The following NMNAT2 variants were observed in gnomAD, a reference collection of about 807,000 sequenced individuals.
NMNAT2 encodes nicotinamide nucleotide adenylyltransferase 2.
NMNAT2 carries 11 observed loss-of-function variants against 41.6 expected under a neutral mutation model. That is an observed-to-expected ratio of 0.26 (90% CI 0.17 to 0.44). The LOEUF (loss-of-function observed/expected upper bound fraction) is 0.44, where lower values mean the gene tolerates loss of function less well. NMNAT2 is among the 20% of genes least tolerant of loss of function. NMNAT2 has a pLI of 1.00. For synonymous variants in NMNAT2, 148 were observed against 151.2 expected (o/e 0.98, Z 0.16); for missense variants, 288 against 407.7 (o/e 0.71, Z 2.53).
intron 8 of NMNAT2, among the ~76,000 whole-genome samples, chr1:183,262,618 T>G (rs971351405): frequency 6.6e-6 from 1 of 152,246 alleles, no homozygotes; most frequent in Admixed American, 6.5e-5. Context: ...ACAAAAATCT[T>G]TTATCACATC....
intron 1 of NMNAT2, among the ~76,000 whole-genome samples, chr1:183,357,809 A>G (rs1005942473): frequency 2.6e-5 from 4 of 152,090 alleles, no homozygotes; most frequent in East Asian, 1.9e-4. Context: ...CTTCTTTTGG[A>G]AAGTGTCTGT....
chr1:183,363,389 C>T (rs1466979964), intron 1 of NMNAT2, among the ~76,000 whole-genome samples: 1 of 152,196 alleles, frequency 6.6e-6, no homozygotes, highest in East Asian at 1.9e-4. Flanking sequence ...TTGGGGCACC[C>T]AATAGACACT....
At chr1:183,356,599 G>T (rs148441921) in intron 1 of NMNAT2, among the ~76,000 whole-genome samples, 4 of 152,320 alleles carry the variant, frequency 2.6e-5, no homozygotes, top group Non-Finnish European at 5.9e-5. Context: ...GACCCCTGTG[G>T]ATCCTAGTAA....
chr1:183,406,387 G>C (rs751810560), intron 1 of NMNAT2, among the ~76,000 whole-genome samples: 3 of 152,168 alleles, frequency 2.0e-5, no homozygotes, highest in African/African-American at 4.8e-5. Context: ...TTGCTGCATG[G>C]ATCTCGAGGA....
intron 1 of NMNAT2, among the ~76,000 whole-genome samples, chr1:183,369,120 GA>G (rs1388566926): frequency 9.8e-5 from 15 of 152,326 alleles, no homozygotes; most frequent in African/African-American, 3.6e-4. Context: ...TGGAAGAGAT[GA>G]AAGTTGGAGC....
At chr1:183,351,130 T>G (rs1663038405) in intron 1 of NMNAT2, among the ~76,000 whole-genome samples, 1 of 152,222 alleles carries the variant, frequency 6.6e-6, no homozygotes, top group South Asian at 2.1e-4. Context: ...GCCACTTATA[T>G]CTTTATCTGT....
At chr1:183,363,139 G>C (rs1663340579) in intron 1 of NMNAT2, among the ~76,000 whole-genome samples, 1 of 152,136 alleles carries the variant, frequency 6.6e-6, no homozygotes, top group Admixed American at 6.6e-5. Context: ...TTTTAATTGG[G>C]TTAATTGTTG....
intron 1 of NMNAT2, among the ~76,000 whole-genome samples, chr1:183,396,433 A>G (rs1648652164): frequency 6.6e-6 from 1 of 152,156 alleles, no homozygotes; most frequent in Admixed American, 6.5e-5. Context: ...AGACCTCAGG[A>G]GTTGGGCGAG....
intron 1 of NMNAT2, among the ~76,000 whole-genome samples, chr1:183,369,250 TTTC>T (rs1663477694): frequency 1.0e-5 from 1 of 98,642 alleles, no homozygotes; most frequent in South Asian, 3.6e-4. Context: ...TCTTTTTTTT[TTTC>T]TTTTCTTTTC....
intron 8 of NMNAT2, among the ~76,000 whole-genome samples, chr1:183,277,614 C>T (rs954601893): frequency 2.0e-5 from 3 of 151,910 alleles, no homozygotes; most frequent in Non-Finnish European, 4.4e-5. Context: ...CCCTGTCCTG[C>T]CTCTGTCCTG....
chr1:183,390,839 C>A (rs980962578), intron 1 of NMNAT2, among the ~76,000 whole-genome samples: 1 of 152,120 alleles, frequency 6.6e-6, no homozygotes, highest in African/African-American at 2.4e-5. Flanking sequence ...CAGAGCAAAA[C>A]CTATTATTTT....
chr1:183,290,318 C>A, intron 3 of NMNAT2, 112 bp from the exon 4 acceptor site: 4 of 770,968 alleles, frequency 5.2e-6, no homozygotes, highest in South Asian at 1.9e-5. Flanking sequence ...CCATACCATG[C>A]GCTTAGATCT....
chr1:183,410,562 T>G (rs1170695312), intron 1 of NMNAT2, among the ~76,000 whole-genome samples: 1 of 151,936 alleles, frequency 6.6e-6, no homozygotes, highest in African/African-American at 2.4e-5. Context: ...AAATGCTGGG[T>G]CAGATCTGAA....
At chr1:183,326,839 C>T (rs1662476060) in intron 1 of NMNAT2, among the ~76,000 whole-genome samples, 1 of 151,986 alleles carries the variant, frequency 6.6e-6, no homozygotes, top group Admixed American at 6.6e-5. Context: ...GAAGAATCAC[C>T]AGGTGGGCTG....
intron 1 of NMNAT2, among the ~76,000 whole-genome samples, chr1:183,405,494 G>A (rs1648928632): frequency 6.6e-6 from 1 of 152,090 alleles, no homozygotes; most frequent in Non-Finnish European, 1.5e-5. Context: ...ATGTAAATAT[G>A]ACAGTATCCA....
At position 183,363,949 on chromosome 1, in the gene NMNAT2, C is replaced by T. The variant is rs114600637; in HGVS notation, c.85+54234G>A. On this transcript the variant is annotated intron_variant, in intron 1 of 10. Transcript: ENST00000287713. ...GGGCAACCTAGTAATTTTAGTCTCC[C>T]GCTTCCAAGCCTTTGTCTGGCTTGT... is the stretch of plus-strand genomic sequence containing the variant. 8.4e-3 allele frequency among the ~76,000 whole-genome samples: 1,274 copies of T among 152,292 alleles called. 9 individuals are homozygous for T. Among genetic ancestry groups the T allele is most frequent in the Admixed American group, 0.014 (210 of 15,288 alleles).
intron 8 of NMNAT2, among the ~76,000 whole-genome samples, chr1:183,269,849 G>A (rs770065315): frequency 3.3e-5 from 5 of 152,112 alleles, no homozygotes; most frequent in Non-Finnish European, 5.9e-5. Flanking sequence ...ACCTCTTCTA[G>A]ATCCACTTTT....
intron 1 of NMNAT2, among the ~76,000 whole-genome samples, chr1:183,329,539 T>A (rs544431994): frequency 6.6e-6 from 1 of 152,224 alleles, no homozygotes; most frequent in African/African-American, 2.4e-5. Flanking sequence ...AATTTCTTAC[T>A]GAGCCTGCCA....
intron 8 of NMNAT2, among the ~76,000 whole-genome samples, chr1:183,267,818 C>T (rs75265971): frequency 0.016 from 2,495 of 152,126 alleles, 31 homozygotes; most frequent in Admixed American, 0.025. Flanking sequence ...GTGGCCAATG[C>T]GGTAGAACTG....
Sources: allele counts gnomAD v4.1 joint callset (sites outside exome capture counted in the v4.1 genomes callset), GRCh38; gene constraint gnomAD v4.1.1; transcripts MANE v1.5; gene names NCBI Gene and HGNC (gene_info 2026-07-23, HGNC 2026-07-21).